LPP: variants seen among roughly 807,000 people sequenced by gnomAD.
The protein encoded by LPP is LIM domain containing preferred translocation partner in lipoma.
Under a neutral mutation model 60.4 loss-of-function variants are expected in LPP, and 38 were observed. The observed-to-expected ratio is 0.63, with a 90% CI of 0.49 to 0.83. LPP has a LOEUF of 0.83. LPP is among the 40% of genes least tolerant of loss of function. The pLI is 0.00. For synonymous variants in LPP, 328 were observed against 290.8 expected (o/e 1.13, Z -1.30); for missense variants, 902 against 783.6 (o/e 1.15, Z -1.80).
In LPP at chr3:188,377,294, C is replaced by T. The variant is rs9865528; in HGVS notation, c.-9-28818C>T. On this transcript the variant is annotated intron_variant, in intron 3 of 11. Coordinates refer to ENST00000617246, the MANE Select transcript of LPP (RefSeq NM_001375462.1). ...GAAGTTCTTCTGGATAATATCCTGC[C>T]GAGTGTTTTCCAACTTGGTTTCATT... Among the ~76,000 whole-genome samples, 25 of 152,120 alleles carry T rather than the reference C, an allele frequency of 1.6e-4. 2 individuals carry two copies. In the South Asian group the frequency reaches 4.1e-3, roughly 25 times the overall value.
chr3:188,240,268 A>C (rs1723637212), intron 2 of LPP: 1 of 171,248 alleles, frequency 5.8e-6, no homozygotes, highest in African/African-American at 2.4e-5. Context: ...AGTGAGGGGG[A>C]ACATGGGTAG....
intron 2 of LPP, among the ~76,000 whole-genome samples, chr3:188,330,908 G>A (rs1396837086): frequency 6.6e-6 from 1 of 151,782 alleles, no homozygotes; most frequent in African/African-American, 2.4e-5. Flanking sequence ...AGAATCCTAG[G>A]CCTTGGTGAC....
At chr3:188,675,595 A>G (rs1436591556) in intron 7 of LPP, among the ~76,000 whole-genome samples, 1 of 152,118 alleles carries the variant, frequency 6.6e-6, no homozygotes, top group Non-Finnish European at 1.5e-5. Flanking sequence ...TTCTAGTTCT[A>G]TTTCTACTGT....
chr3:188,413,224 G>A (rs142294345), intron 4 of LPP, among the ~76,000 whole-genome samples: 9 of 152,074 alleles, frequency 5.9e-5, no homozygotes, highest in Non-Finnish European at 7.4e-5. Flanking sequence ...TTTTTGCTGC[G>A]AACGTATGGT....
intron 6 of LPP, among the ~76,000 whole-genome samples, chr3:188,547,572 AC>A: frequency 6.6e-6 from 1 of 152,338 alleles, no homozygotes; most frequent in African/African-American, 2.4e-5. Flanking sequence ...GCTACAAAGC[AC>A]ATTTGCAATA....
intron 7 of LPP, among the ~76,000 whole-genome samples, chr3:188,695,186 AC>A (rs935781821): frequency 7.2e-5 from 11 of 152,170 alleles, no homozygotes; most frequent in African/African-American, 2.7e-4. Flanking sequence ...CCTTATTTAT[AC>A]TCTTGTAAAT....
At chr3:188,501,929 A>AG (rs914212167) in intron 5 of LPP, among the ~76,000 whole-genome samples, 95 of 152,100 alleles carry the variant, frequency 6.2e-4, no homozygotes, top group African/African-American at 2.2e-3. Context: ...AAAAAAACAA[A>AG]CAAGTATATT....
intron 6 of LPP, among the ~76,000 whole-genome samples, chr3:188,564,623 A>C (rs982777245): frequency 6.6e-6 from 1 of 151,926 alleles, no homozygotes; most frequent in African/African-American, 2.4e-5. Context: ...GATGTGCTTA[A>C]AGTTACCTCA....
At chr3:188,522,059 T>C (rs552349098) in intron 5 of LPP, among the ~76,000 whole-genome samples, 8 of 152,326 alleles carry the variant, frequency 5.3e-5, no homozygotes, top group African/African-American at 1.7e-4. Flanking sequence ...TGTTTCATAG[T>C]TATTACTGCC....
chr3:188,410,348 G>C (rs1784608057), intron 4 of LPP, among the ~76,000 whole-genome samples: 1 of 152,080 alleles, frequency 6.6e-6, no homozygotes. Context: ...TCTCACCTTG[G>C]TGTTACGTCT....
chr3:188,598,291 T>C (rs769358416), intron 6 of LPP, among the ~76,000 whole-genome samples: 1 of 152,094 alleles, frequency 6.6e-6, no homozygotes, highest in Non-Finnish European at 1.5e-5. Context: ...ATGATCATAT[T>C]TGAGTTCTTA....
intron 1 of LPP, chr3:188,179,065 AGTGAGCAAGAGAGAGGGAGG>A: frequency 7.4e-6 from 2 of 268,848 alleles, no homozygotes; most frequent in Non-Finnish European, 1.5e-5. Flanking sequence ...AGAGAGAGAG[AGTGAGCAAGAGAGAGGGAGG>A]GAGAGAGACA....
chr3:188,402,801 A>G (rs1164971837), intron 3 of LPP, among the ~76,000 whole-genome samples: 1 of 152,236 alleles, frequency 6.6e-6, no homozygotes, highest in South Asian at 2.1e-4. Context: ...GTGGATTGTT[A>G]TAAGTATGCC....
intron 9 of LPP, among the ~76,000 whole-genome samples, chr3:188,780,908 A>G (rs1484545299): frequency 1.3e-5 from 2 of 152,236 alleles, no homozygotes; most frequent in Non-Finnish European, 2.9e-5. Flanking sequence ...AGACACTTTC[A>G]GCTATTAGGC....
chr3:188,434,183 T>C (rs545053827), intron 4 of LPP, among the ~76,000 whole-genome samples: 66 of 152,306 alleles, frequency 4.3e-4, no homozygotes, highest in African/African-American at 1.5e-3. Flanking sequence ...CTTTCGAACT[T>C]TGTTTTTTCT....
At chr3:188,622,647 C>T (rs1314198540) in intron 7 of LPP, among the ~76,000 whole-genome samples, 1 of 152,024 alleles carries the variant, frequency 6.6e-6, no homozygotes, top group Non-Finnish European at 1.5e-5. Context: ...AAACTCAGCT[C>T]GTCCTCAAAA....
intron 3 of LPP, among the ~76,000 whole-genome samples, chr3:188,395,512 G>T (rs144494646): frequency 6.6e-6 from 1 of 152,066 alleles, no homozygotes; most frequent in Admixed American, 6.5e-5. Flanking sequence ...GATTATATGT[G>T]TGAGCCACTG....
rs1428598968 is a variant in LPP, at chr3:188,665,346, C to T, written c.1114-42921C>T. 2.0e-5 allele frequency among the ~76,000 whole-genome samples: 3 copies of T among 152,002 alleles called. No homozygotes were observed. The East Asian group carries it at 5.8e-4, about 29-fold the overall frequency. ...ATTAGGAAAAAGGAAAGAATGGTTTCCATAAATCACTTTGTTTAACATAGT... is the reference window on the plus strand; with the variant it reads ...ATTAGGAAAAAGGAAAGAATGGTTTTCATAAATCACTTTGTTTAACATAGT... On this transcript the variant is annotated intron_variant, in intron 7 of 11. Transcript: ENST00000617246.
At position 188,886,956 on chromosome 3, in the gene LPP, G is replaced by T. The variant is rs1032088064; in HGVS notation, c.*12477G>T. On this transcript the variant is annotated 3_prime_UTR_variant, in exon 12 of 12. Transcript: ENST00000617246. ...TATGCCAAAGCAATTTGAGGTGGGG[G>T]TGGAAACAGGTATTTATCTCTCATG... 1 of 231,396 alleles carries T rather than the reference G, an allele frequency of 4.3e-6. No individual in the cohort carries two copies. Among genetic ancestry groups the T allele is most frequent in the African/African-American group, 2.2e-5 (1 of 45,330 alleles). 14.3% of individuals were successfully genotyped at this position (231,396 alleles called of 1,614,324 possible).
Sources: allele counts gnomAD v4.1 joint callset (sites outside exome capture counted in the v4.1 genomes callset), GRCh38; gene constraint gnomAD v4.1.1; transcripts MANE v1.5; gene names NCBI Gene and HGNC (gene_info 2026-07-23, HGNC 2026-07-21).